The following CACNA2D3 variants were observed in gnomAD, a reference collection of about 807,000 sequenced individuals.
CACNA2D3 encodes calcium voltage-gated channel auxiliary subunit alpha2delta 3.
Under a neutral mutation model 160.6 loss-of-function variants are expected in CACNA2D3, and 60 were observed. The ratio of observed to expected loss-of-function variants is 0.37; its 90% CI spans 0.30 to 0.46. The LOEUF (loss-of-function observed/expected upper bound fraction) is 0.46, where lower values mean the gene tolerates loss of function less well. Ranked by LOEUF, CACNA2D3 falls within the 20% of genes least tolerant of loss-of-function variation. The pLI, the probability that CACNA2D3 is intolerant of heterozygous loss-of-function variation, is 1.00. For synonymous variants in CACNA2D3, 558 were observed against 492.9 expected (o/e 1.13, Z -1.75); for missense variants, 1,205 against 1,365.0 (o/e 0.88, Z 1.85).
intron 4 of CACNA2D3, among the ~76,000 whole-genome samples, chr3:54,456,669 A>G (rs1316386889): frequency 1.3e-5 from 2 of 151,964 alleles, no homozygotes; most frequent in African/African-American, 4.8e-5. Flanking sequence ...CTTGGAAATA[A>G]TTTGAGAAGA....
At chr3:54,973,490 G>C (rs1702319623) in intron 29 of CACNA2D3, among the ~76,000 whole-genome samples, 2 of 152,178 alleles carry the variant, frequency 1.3e-5, no homozygotes, top group South Asian at 4.1e-4. Context: ...ACCCTTTCTT[G>C]TTCCAAAGGA....
At chr3:54,952,150 A>G (rs1304654129) in intron 27 of CACNA2D3, among the ~76,000 whole-genome samples, 1 of 152,184 alleles carries the variant, frequency 6.6e-6, no homozygotes, top group African/African-American at 2.4e-5. Flanking sequence ...CTGGCTGGCC[A>G]GCTGTGTTTA....
intron 4 of CACNA2D3, among the ~76,000 whole-genome samples, chr3:54,435,697 A>G (rs1164301611): frequency 1.3e-5 from 2 of 152,240 alleles, no homozygotes; most frequent in African/African-American, 2.4e-5. Flanking sequence ...ATCACTCACC[A>G]TACCAAGAAT....
chr3:54,650,685 G>C (rs1699747913), intron 11 of CACNA2D3, among the ~76,000 whole-genome samples: 1 of 152,082 alleles, frequency 6.6e-6, no homozygotes. Flanking sequence ...ATTTTTTATA[G>C]AGCTGGGGTT....
chr3:54,232,134 G>A (rs572961262), intron 2 of CACNA2D3, among the ~76,000 whole-genome samples: 1 of 152,326 alleles, frequency 6.6e-6, no homozygotes, highest in African/African-American at 2.4e-5. Flanking sequence ...GGTGTGCTGT[G>A]TGTGTGTCTG....
chr3:54,522,929 T>TTAC (rs1559503829), intron 5 of CACNA2D3, among the ~76,000 whole-genome samples: 9,959 of 104,238 alleles, frequency 0.096, 393 homozygotes, highest in South Asian at 0.14. Context: ...TATTTATTTA[T>TTAC]TTATTTACTT....
chr3:54,437,271 C>A (rs1320994849), intron 4 of CACNA2D3, among the ~76,000 whole-genome samples: 1 of 152,182 alleles, frequency 6.6e-6, no homozygotes, highest in Non-Finnish European at 1.5e-5. Flanking sequence ...TGCACCACTT[C>A]ATTTTTCTGT....
chr3:54,666,360 G>A (rs988273885), intron 11 of CACNA2D3, among the ~76,000 whole-genome samples: 1 of 152,188 alleles, frequency 6.6e-6, no homozygotes, highest in Admixed American at 6.5e-5. Context: ...TGTCATTGGT[G>A]ACCTAACAAA....
chr3:54,332,249 A>G (rs1347550865), intron 3 of CACNA2D3, among the ~76,000 whole-genome samples: 2 of 152,208 alleles, frequency 1.3e-5, no homozygotes, highest in African/African-American at 4.8e-5. Context: ...AGTGTGGTGC[A>G]TTTACATATT....
chr3:54,763,394 T>C (rs961021803), intron 12 of CACNA2D3, among the ~76,000 whole-genome samples: 2 of 152,032 alleles, frequency 1.3e-5, no homozygotes, highest in Non-Finnish European at 2.9e-5. Context: ...AGGGACAACG[T>C]TGATCAAGTG....
At chr3:54,618,416 G>A (rs918255384) in intron 9 of CACNA2D3, among the ~76,000 whole-genome samples, 1 of 93,536 alleles carries the variant, frequency 1.1e-5, no homozygotes, top group Non-Finnish European at 2.1e-5. Context: ...CACACACAGT[G>A]CCTTACAGGG....
At chr3:54,298,643 TACA>T (rs1326280576) in intron 2 of CACNA2D3, among the ~76,000 whole-genome samples, 3 of 151,984 alleles carry the variant, frequency 2.0e-5, no homozygotes, top group African/African-American at 7.3e-5. Flanking sequence ...TATAAAAAAG[TACA>T]ACAATTAGCC....
At chr3:54,745,157 T>C (rs1021802934) in intron 11 of CACNA2D3, among the ~76,000 whole-genome samples, 2 of 151,904 alleles carry the variant, frequency 1.3e-5, no homozygotes, top group Non-Finnish European at 2.9e-5. Flanking sequence ...GCAAGATGAG[T>C]GGGCAGAGAG....
chr3:54,411,790 A>T lies in CACNA2D3; in HGVS notation c.381+25016A>T, dbSNP rs114835856. Among the ~76,000 whole-genome samples, 110 of 152,316 alleles carry T rather than the reference A, an allele frequency of 7.2e-4. 2 individuals carry two copies. The highest frequency in any genetic ancestry group is 3.4e-3 in the Middle Eastern group (1 of 294). ...CCAGACGTCATGCTAAACAAAGGGG[A>T]TAGAAAGATCCAAGTGAAACAAAAA... On this transcript the variant is annotated intron_variant, in intron 4 of 37. Transcript: ENST00000474759.
chr3:54,894,467 A>G, intron 25 of CACNA2D3: 1 of 434,922 alleles, frequency 2.3e-6, no homozygotes, highest in South Asian at 1.6e-5. Flanking sequence ...CCTGAATGTC[A>G]CTGCCTTAAG....
At chr3:54,833,037 A>G (rs1184717786) in intron 14 of CACNA2D3, among the ~76,000 whole-genome samples, 1 of 152,218 alleles carries the variant, frequency 6.6e-6, no homozygotes, top group Non-Finnish European at 1.5e-5. Flanking sequence ...TGGACCTTGC[A>G]CATGAGTTCA....
chr3:54,137,744 A>G (rs190214491), intron 2 of CACNA2D3, among the ~76,000 whole-genome samples: 1 of 152,316 alleles, frequency 6.6e-6, no homozygotes, highest in African/African-American at 2.4e-5. Context: ...CAAGTTGACT[A>G]GACGGGACTC....
intron 11 of CACNA2D3, among the ~76,000 whole-genome samples, chr3:54,657,349 C>G (rs1281279369): frequency 6.6e-6 from 1 of 152,012 alleles, no homozygotes; most frequent in African/African-American, 2.4e-5. Context: ...TCCTTGTGTC[C>G]CTTCTTTTTT....
At chr3:54,769,159 C>T (rs557468092) in intron 13 of CACNA2D3, among the ~76,000 whole-genome samples, 134 of 152,226 alleles carry the variant, frequency 8.8e-4, no homozygotes, top group African/African-American at 2.8e-3. Context: ...ACATGGTGAA[C>T]TCATCTGCAG....
Sources: allele counts gnomAD v4.1 joint callset (sites outside exome capture counted in the v4.1 genomes callset), GRCh38; gene constraint gnomAD v4.1.1; transcripts MANE v1.5; gene names NCBI Gene and HGNC (gene_info 2026-07-23, HGNC 2026-07-21).